Variants in ANHX observed in about 807,000 individuals in gnomAD.
The protein encoded by ANHX is anomalous homeobox protein.
ANHX carries 20 observed loss-of-function variants against 38.9 expected under a neutral mutation model. The ratio of observed to expected loss-of-function variants is 0.51; its 90% CI spans 0.36 to 0.75. The LOEUF is 0.75. ANHX is among the 30% of genes least tolerant of loss of function. ANHX has a pLI of 0.00. For missense variants in ANHX, 475 were observed against 493.1 expected (o/e 0.96, Z 0.35); for synonymous variants, 185 against 203.1 (o/e 0.91, Z 0.76).
chr12:133,221,123 C>T lies in ANHX; in HGVS notation c.1280+82G>A, dbSNP rs759442224. The T allele has an allele frequency of 2.7e-4, 394 of 1,482,314 alleles. 1 individual carries two copies. Among genetic ancestry groups the T allele is most frequent in the Non-Finnish European group, 2.8e-4 (308 of 1,111,896 alleles). 91.8% of individuals were successfully genotyped at this position (1,482,314 alleles called of 1,614,324 possible). ...AGGACCCTATCTGCACAGTCCGGGA[C>T]GGTGAGTCTATAAACTGGGCATTAC... On this transcript the variant is annotated intron_variant, in intron 8 of 9. Coordinates refer to ENST00000545940, the MANE Select transcript of ANHX (RefSeq NM_001372060.1). The surrounding 1 kb of genome is among the most constrained non-coding windows in gnomAD (Gnocchi z 4.1).
intron 5 of ANHX, among the ~76,000 whole-genome samples, 156 bp downstream of exon 5, chr12:133,226,780 A>C (rs1271024896): frequency 6.6e-6 from 1 of 152,114 alleles, no homozygotes. Context: ...TGAGCCTCAG[A>C]CCTCGGACCC....
intron 1 of ANHX, chr12:133,235,147 G>A (rs975662505): frequency 2.0e-5 from 3 of 152,208 alleles, no homozygotes; most frequent in Non-Finnish European, 4.4e-5. Flanking sequence ...CATCTCACCC[G>A]GGTCCTGACT....
Position 133,234,297 on chromosome 12 carries a change from C to G in ANHX, c.60G>C (p.Glu20Asp). The G allele has an allele frequency of 6.5e-7, 1 of 1,536,138 alleles. No individual in the cohort carries two copies. The highest frequency in any genetic ancestry group is 8.7e-7 in the Non-Finnish European group (1 of 1,146,902). Residue 20 changes from glutamate to aspartate, a missense_variant, in exon 2 of 10, where the codon GAG becomes GAC. By Grantham distance (45) the Glu-to-Asp change is conservative (BLOSUM62 2). Coordinates refer to ENST00000545940, the MANE Select transcript of ANHX (RefSeq NM_001372060.1). ...EHEDTCAPPA[E>D]LVTLAGRLCR... ...ACAGTCTGCCCGCAAGGGTCACCAG[C>G]TCCGCCGGGGGTGCACAGGTGTCCT...
Position 133,220,798 on chromosome 12 carries a change from C to T in ANHX, c.1280+407G>A, listed in dbSNP as rs183904511. ...TCATCTTCTGTTTCTACAGCACTGA[C>T]ACTATCAACAGCAAGTGCTCACGGA... On this transcript the variant is annotated intron_variant, in intron 8 of 9. Coordinates refer to ENST00000545940, the MANE Select transcript of ANHX (RefSeq NM_001372060.1). Among the ~76,000 whole-genome samples, 24 of 152,358 alleles carry T rather than the reference C, an allele frequency of 1.6e-4. No individual in the cohort carries two copies. The East Asian group carries it at 4.2e-3, about 27-fold the overall frequency.
At chr12:133,220,362 G>A (rs2135547399) in intron 8 of ANHX, among the ~76,000 whole-genome samples, 1 of 152,280 alleles carries the variant, frequency 6.6e-6, no homozygotes, top group Non-Finnish European at 1.5e-5. Flanking sequence ...ACACACAAGG[G>A]GACACCGTGG....
chr12:133,233,095 G>A (rs1214353438), intron 2 of ANHX, among the ~76,000 whole-genome samples: 1 of 152,234 alleles, frequency 6.6e-6, no homozygotes, highest in Non-Finnish European at 1.5e-5. Flanking sequence ...ACAGAGGAAA[G>A]ACACCTGCAA....
intron 2 of ANHX, among the ~76,000 whole-genome samples, chr12:133,231,876 C>T (rs144042037): frequency 0.011 from 1,608 of 152,332 alleles, 27 homozygotes; most frequent in African/African-American, 0.036. Context: ...TGACCCTAGG[C>T]CTGCCAGGTC....
intron 3 of ANHX, among the ~76,000 whole-genome samples, chr12:133,229,664 C>T (rs775522627): frequency 6.6e-6 from 1 of 152,188 alleles, no homozygotes; most frequent in Non-Finnish European, 1.5e-5. Context: ...CCAGCATCTA[C>T]TCCTGATCCC....
At chr12:133,224,877 G>C (rs1415616038) in intron 7 of ANHX, among the ~76,000 whole-genome samples, 6 of 149,336 alleles carry the variant, frequency 4.0e-5, no homozygotes, top group Non-Finnish European at 8.9e-5. Context: ...TGAGGCAGGA[G>C]AATGGCGTGA....
intron 8 of ANHX, among the ~76,000 whole-genome samples, chr12:133,220,707 C>G (rs947003113): frequency 5.3e-5 from 8 of 152,072 alleles, no homozygotes; most frequent in Non-Finnish European, 1.0e-4. Context: ...GGCCACCCTG[C>G]CCCAGTCCTC....
intron 9 of ANHX, 52 bp from the exon 10 acceptor site, chr12:133,219,023 C>A: frequency 6.8e-7 from 1 of 1,468,558 alleles, no homozygotes; most frequent in Non-Finnish European, 9.1e-7. Flanking sequence ...AGGCTCAAGA[C>A]CTGCCCTCCC....
Position 133,227,838 on chromosome 12 carries a change from T to A in ANHX, c.487A>T (p.Ser163Cys). Residue 163 changes from serine to cysteine, a missense_variant, in exon 4 of 10, where the codon AGC (serine) becomes TGC (cysteine). Physicochemically the swap from Ser to Cys is moderately radical, Grantham distance 112. Transcript: ENST00000545940. ...NFAVGVNTNP[S>C]KAERENLALE... The stretch of plus-strand genomic sequence containing the variant: ...TCTATTCTTACCCTCTCAGCCTTGC[T>A]GGGGTTGGTGTTCACCCCCACAGCG... 3 of 1,534,198 alleles carry A rather than the reference T, an allele frequency of 2.0e-6. No individual in the cohort carries two copies. The highest frequency in any genetic ancestry group is 2.6e-6 in the Non-Finnish European group (3 of 1,146,036).
At chr12:133,227,438 C>T (rs967261866) in intron 4 of ANHX, among the ~76,000 whole-genome samples, 1 of 152,328 alleles carries the variant, frequency 6.6e-6, no homozygotes, top group South Asian at 2.1e-4. Context: ...AGACAACATG[C>T]CCAGGGCCAC....
chr12:133,231,861 C>T lies in ANHX; in HGVS notation c.250-217G>A, dbSNP rs139050583. On this transcript the variant is annotated intron_variant, in intron 2 of 9. Coordinates refer to ENST00000545940, the MANE Select transcript of ANHX (RefSeq NM_001372060.1). ...CCCGCTCCATTCCTAGCAGGCTCAG[C>T]GGTGTGACCCTAGGCCTGCCAGGTC... 5.3e-3 allele frequency among the ~76,000 whole-genome samples: 814 copies of T among 152,332 alleles called. 2 individuals are homozygous for T. Among genetic ancestry groups the T allele is most frequent in the Non-Finnish European group, 9.3e-3 (633 of 68,032 alleles).
chr12:133,230,954 A>G (rs1248854492), intron 3 of ANHX, among the ~76,000 whole-genome samples: 1 of 152,156 alleles, frequency 6.6e-6, no homozygotes, highest in Non-Finnish European at 1.5e-5. Flanking sequence ...GATAAGGACT[A>G]CCACTTATTT....
intron 2 of ANHX, 75 bp from the exon 3 acceptor site, chr12:133,231,719 C>T: frequency 6.6e-7 from 1 of 1,504,740 alleles, no homozygotes; most frequent in Non-Finnish European, 8.9e-7. Context: ...TCTGCCATCC[C>T]AAACCGACTC....
chr12:133,232,928 CCTT>C (rs1279668898), intron 2 of ANHX, among the ~76,000 whole-genome samples: 1 of 152,056 alleles, frequency 6.6e-6, no homozygotes, highest in Non-Finnish European at 1.5e-5. Context: ...TGACAAACAA[CCTT>C]CTAGTTACAA....
rs565793661 is a variant in ANHX, at chr12:133,221,216, G to A, written c.1269C>T (p.Ile423=). 1 of 1,536,066 alleles carries A rather than the reference G, an allele frequency of 6.5e-7. No individual in the cohort carries two copies. Among genetic ancestry groups the A allele is most frequent in the East Asian group, 2.4e-5 (1 of 40,900 alleles). ...TCTTCAGGGCTTACCTCTGGGTGAGGATGAATTCAGGAGCTTGCAGTGGGG... is the reference window on the plus strand; with the variant it reads ...TCTTCAGGGCTTACCTCTGGGTGAGAATGAATTCAGGAGCTTGCAGTGGGG... ...TQPPLQAPEF[I]LTQSPPELAP... The change falls in exon 8 of 10, where the codon ATC becomes ATT. Residue 423 remains isoleucine (I), a synonymous_variant. Coordinates refer to ENST00000545940, the MANE Select transcript of ANHX (RefSeq NM_001372060.1). The surrounding 1 kb of genome is among the most constrained non-coding windows in gnomAD (Gnocchi z 4.1).
rs760096125 is a variant in ANHX, at chr12:133,234,297, C to T, written c.60G>A (p.Glu20=). The change falls in exon 2 of 10, where the codon GAG becomes GAA. Residue 20 remains glutamate (E), a synonymous_variant. Transcript: ENST00000545940. ...EHEDTCAPPA[E]LVTLAGRLCR... is the part of the protein sequence containing the mutation. Reference sequence around the variant, plus strand: ...ACAGTCTGCCCGCAAGGGTCACCAGCTCCGCCGGGGGTGCACAGGTGTCCT... The same window carrying T: ...ACAGTCTGCCCGCAAGGGTCACCAGTTCCGCCGGGGGTGCACAGGTGTCCT... 43 of 1,536,020 alleles carry T rather than the reference C, an allele frequency of 2.8e-5. No homozygotes were observed. Among genetic ancestry groups the T allele is most frequent in the Non-Finnish European group, 3.7e-5 (43 of 1,146,910 alleles).
Sources: gnomAD v4.1 joint callset for allele counts (sites outside exome capture counted in the v4.1 genomes callset) on GRCh38, gnomAD v4.1.1 for gene constraint, Gnocchi (gnomAD v3.1) non-coding constraint, MANE v1.5 for transcripts, NCBI Gene and HGNC (gene_info 2026-07-23, HGNC 2026-07-21) for gene names.